Variants in TBX15 observed in about 807,000 individuals in gnomAD.
TBX15 encodes the protein T-box transcription factor TBX15.
In TBX15, 18 loss-of-function variants were observed where a neutral mutation model predicts 53.9. That is an observed-to-expected ratio of 0.33 (90% confidence interval 0.23 to 0.49). The LOEUF (loss-of-function observed/expected upper bound fraction) is 0.49, where lower values mean the gene tolerates loss of function less well. Ranked by LOEUF, TBX15 falls within the 20% of genes least tolerant of loss-of-function variation. The probability of loss-of-function intolerance (pLI) is 0.98; values close to 1 mark genes in which losing one functional copy is unlikely to be tolerated. For missense variants in TBX15, 692 were observed against 749.5 expected (o/e 0.92, Z 0.90); for synonymous variants, 295 against 278.0 (o/e 1.06, Z -0.61).
chr1:118,953,163 T>C (rs1656573869), intron 1 of TBX15, among the ~76,000 whole-genome samples: 2 of 152,156 alleles, frequency 1.3e-5, no homozygotes, highest in Admixed American at 1.3e-4. Flanking sequence ...AGGCCACTGG[T>C]ATTTTTTCAC....
chr1:118,942,761 A>C (rs964852850), intron 1 of TBX15, among the ~76,000 whole-genome samples: 1 of 152,106 alleles, frequency 6.6e-6, no homozygotes, highest in Non-Finnish European at 1.5e-5. Context: ...TCAGATACTA[A>C]CTCTCCTCCA....
intron 1 of TBX15, among the ~76,000 whole-genome samples, chr1:118,963,222 G>T (rs189334916): frequency 1.3e-5 from 2 of 152,292 alleles, no homozygotes; most frequent in East Asian, 3.9e-4. Context: ...TGAAGAAAAC[G>T]TGTGTTTTTA....
At chr1:118,918,509 A>G (rs946985952) in intron 5 of TBX15, among the ~76,000 whole-genome samples, 4 of 152,216 alleles carry the variant, frequency 2.6e-5, no homozygotes, top group Non-Finnish European at 5.9e-5. Context: ...AACAAGGTCT[A>G]TTAGTAATCT....
chr1:118,988,959 A>G (rs550182263), upstream of TBX15, among the ~76,000 whole-genome samples: 7 of 152,212 alleles, frequency 4.6e-5, no homozygotes. Context: ...CCTGGTGGAG[A>G]AGGAGACACA....
chr1:118,984,770 G>C (rs1043960558), intron 1 of TBX15, among the ~76,000 whole-genome samples: 1 of 152,168 alleles, frequency 6.6e-6, no homozygotes, highest in Non-Finnish European at 1.5e-5. Context: ...CACCAGGCTC[G>C]GTGGAATTTT....
chr1:118,907,402 G>A (rs182415192), intron 6 of TBX15, among the ~76,000 whole-genome samples: 2 of 152,314 alleles, frequency 1.3e-5, no homozygotes, highest in Admixed American at 1.3e-4. Context: ...GTATGTGTTT[G>A]CTTTGGAGGA....
intron 5 of TBX15, among the ~76,000 whole-genome samples, chr1:118,920,709 G>T (rs1655397404): frequency 1.3e-5 from 2 of 152,258 alleles, no homozygotes; most frequent in Admixed American, 1.3e-4. Context: ...CAGTCCAAGT[G>T]ACCTAATTGG....
chr1:118,972,309 A>T (rs1172446454), intron 1 of TBX15, among the ~76,000 whole-genome samples: 2 of 152,236 alleles, frequency 1.3e-5, no homozygotes, highest in Non-Finnish European at 2.9e-5. Context: ...TTTACACATC[A>T]TGTCAATTAA....
chr1:118,901,269 A>T, intron 6 of TBX15: 2 of 444,392 alleles, frequency 4.5e-6, no homozygotes, highest in South Asian at 3.2e-5. Flanking sequence ...ATACATGGTG[A>T]AAGATGGAAG....
chr1:118,956,285 C>T (rs1656687603), intron 1 of TBX15, among the ~76,000 whole-genome samples: 1 of 152,094 alleles, frequency 6.6e-6, no homozygotes, highest in Non-Finnish European at 1.5e-5. Context: ...AAAAAAAATA[C>T]TAGTACTGGA....
At chr1:118,939,437 C>T (rs2765536) in intron 1 of TBX15, among the ~76,000 whole-genome samples, 1 of 84,678 alleles carries the variant, frequency 1.2e-5, no homozygotes, top group Non-Finnish European at 2.2e-5. Context: ...AAAAAAAAAA[C>T]AAAAACAGGA....
At chr1:118,932,996 T>C (rs1358604247) in intron 1 of TBX15, among the ~76,000 whole-genome samples, 2 of 152,056 alleles carry the variant, frequency 1.3e-5, no homozygotes, top group Admixed American at 6.6e-5. Context: ...CTCTGATGAG[T>C]GACTTTTCAA....
intron 1 of TBX15, among the ~76,000 whole-genome samples, chr1:118,945,584 G>C (rs1170268544): frequency 6.6e-6 from 1 of 152,144 alleles, no homozygotes; most frequent in African/African-American, 2.4e-5. Flanking sequence ...CATTTAAAAG[G>C]CATCAACGTT....
intron 6 of TBX15, among the ~76,000 whole-genome samples, chr1:118,912,397 C>G (rs1655054068): frequency 6.6e-6 from 1 of 151,814 alleles, no homozygotes; most frequent in South Asian, 2.1e-4. Flanking sequence ...ACAATTTTAC[C>G]TACAATATCT....
chr1:118,898,811 G>A (rs1654515734), intron 7 of TBX15, among the ~76,000 whole-genome samples: 1 of 152,182 alleles, frequency 6.6e-6, no homozygotes, highest in Non-Finnish European at 1.5e-5. Context: ...GGAAGGGAGA[G>A]AGCATTTTGA....
rs141549889 is a variant in TBX15 at position 118,952,325 on chromosome 1, G to A, written c.206-20493C>T. Among the ~76,000 whole-genome samples, 545 of 152,186 alleles carry A rather than the reference G, an allele frequency of 3.6e-3. 2 individuals carry two copies. The highest frequency in any genetic ancestry group is 0.012 in the African/African-American group (512 of 41,526). ...ATAGCAGTTAAGTTTTGGGAAAATC[G>A]GAAGTTATATCGAGATTTTTGGCTA... On this transcript the variant is annotated intron_variant, in intron 1 of 7. Coordinates refer to ENST00000369429, the MANE Select transcript of TBX15 (RefSeq NM_001330677.2).
At chr1:118,904,724 A>T (rs1654754705) in intron 6 of TBX15, among the ~76,000 whole-genome samples, 1 of 152,196 alleles carries the variant, frequency 6.6e-6, no homozygotes, top group Admixed American at 6.5e-5. Context: ...TGATCATACA[A>T]AGTTGGCTAA....
Position 118,987,530 on chromosome 1 carries a change from C to T in TBX15, c.205+61G>A, listed in dbSNP as rs73011337. On this transcript the variant is annotated intron_variant, in intron 1 of 7. Coordinates refer to ENST00000369429, the MANE Select transcript of TBX15 (RefSeq NM_001330677.2). The stretch of plus-strand genomic sequence containing the variant: ...GGCCTAGCTCCTCACCCGCGACCGG[C>T]GACTGGCCCTTCGGCGTCCCCTCTC... 4,127 of 1,505,918 alleles carry T rather than the reference C, an allele frequency of 2.7e-3. 87 individuals carry two copies. In the African/African-American group the frequency reaches 0.05, roughly 18 times the overall value. 93.3% of individuals were successfully genotyped at this position (1,505,918 alleles called of 1,614,324 possible).
chr1:118,980,466 A>G (rs1414508453), intron 1 of TBX15, among the ~76,000 whole-genome samples: 1 of 152,222 alleles, frequency 6.6e-6, no homozygotes, highest in Non-Finnish European at 1.5e-5. Context: ...GTATGGCAAC[A>G]TTTTGGAAAC....
Sources: gnomAD v4.1 joint callset for allele counts (sites outside exome capture counted in the v4.1 genomes callset) on GRCh38, gnomAD v4.1.1 for gene constraint, MANE v1.5 for transcripts, NCBI Gene and HGNC (gene_info 2026-07-23, HGNC 2026-07-21) for gene names.